Variants in KLHL29 observed in about 807,000 individuals in gnomAD.
The protein encoded by KLHL29 is kelch like family member 29, also known as kelch-like protein 29.
In KLHL29, 21 loss-of-function variants were observed where a neutral mutation model predicts 80.4. The observed-to-expected ratio is 0.26, with a 90% CI of 0.19 to 0.38. KLHL29 has a LOEUF of 0.38. KLHL29 is among the 10% of genes least tolerant of loss of function. The pLI is 1.00. For synonymous variants in KLHL29, 511 were observed against 526.8 expected (o/e 0.97, Z 0.41); for missense variants, 867 against 1,223.9 (o/e 0.71, Z 4.35).
chr2:23,406,720 C>T (rs1666747417), intron 1 of KLHL29, among the ~76,000 whole-genome samples: 1 of 152,260 alleles, frequency 6.6e-6, no homozygotes. Flanking sequence ...CCACCCTGGT[C>T]TCTATCTGTG....
In KLHL29 at chr2:23,393,500, C is replaced by G. The variant is rs568025980; in HGVS notation, c.-154+7720C>G. Among the ~76,000 whole-genome samples the G allele has an allele frequency of 1.3e-5, 2 of 152,236 alleles. 1 individual carries two copies. The highest frequency in any genetic ancestry group is 4.1e-4 in the South Asian group (2 of 4,826). ...AGGGGCTTTCCTTGTGGGTTGTTGT[C>G]TCTGCTCAGATTTCAAAATTTGTAG... On this transcript the variant is annotated intron_variant, in intron 1 of 13. Transcript: ENST00000486442.
At chr2:23,557,468 G>A (rs1005662315) in intron 2 of KLHL29, among the ~76,000 whole-genome samples, 4 of 152,176 alleles carry the variant, frequency 2.6e-5, no homozygotes, top group Non-Finnish European at 5.9e-5. Context: ...TCAGGCTCCA[G>A]GCCCGGAGTC....
At chr2:23,420,310 G>A (rs549092190) in intron 1 of KLHL29, among the ~76,000 whole-genome samples, 3 of 152,256 alleles carry the variant, frequency 2.0e-5, no homozygotes, top group South Asian at 4.1e-4. Flanking sequence ...CGTCCACACC[G>A]ATCCCGTCAC....
Position 23,696,495 on chromosome 2 carries a change from A to G in KLHL29, c.2087A>G (p.Asn696Ser). 3 of 1,531,926 alleles carry G rather than the reference A, an allele frequency of 2.0e-6. No homozygotes were observed. The highest frequency in any genetic ancestry group is 2.6e-6 in the Non-Finnish European group (3 of 1,137,842). 94.9% of individuals were successfully genotyped at this position (1,531,926 alleles called of 1,614,324 possible). A position where few individuals can be genotyped will look rare whatever the true frequency, so the allele number is the denominator to read the frequency against. ...CTCGGGGGACTTGGCGTGGCAGGCAACGTGGACCACGTGGAGAGGTAATGA... is the reference window on the plus strand; with the variant it reads ...CTCGGGGGACTTGGCGTGGCAGGCAGCGTGGACCACGTGGAGAGGTAATGA... ...YTLGGLGVAG[N>S]VDHVERYDTI... is the part of the protein sequence containing the mutation. Residue 696 changes from asparagine (N) to serine (S), a missense_variant, in exon 11 of 14, where the codon AAC becomes AGC. By Grantham distance (46) the Asn-to-Ser change is conservative. Around this residue, in one of 2 missense-constraint regions of KLHL29, gnomAD observed 443 missense variants for 767.0 expected, o/e 0.58. Transcript: ENST00000486442. This position sits in a 1 kb window ranked among gnomAD's most constrained non-coding sequence, Gnocchi z 5.5.
chr2:23,703,992 C>T, intron 13 of KLHL29, 129 bp downstream of exon 13: 1 of 1,097,048 alleles, frequency 9.1e-7, no homozygotes, highest in Non-Finnish European at 1.3e-6. Flanking sequence ...CCCTCCCCCT[C>T]CAACCACAGG....
At chr2:23,610,850 A>C (rs1233440847) in intron 3 of KLHL29, among the ~76,000 whole-genome samples, 1 of 152,270 alleles carries the variant, frequency 6.6e-6, no homozygotes, top group East Asian at 1.9e-4. Context: ...GCAGCAGTAA[A>C]GTAAGATAAT....
chr2:23,394,976 A>G (rs1187716339), intron 1 of KLHL29, among the ~76,000 whole-genome samples: 1 of 152,228 alleles, frequency 6.6e-6, no homozygotes. Flanking sequence ...GTGCTGACAT[A>G]TGCCAAATCG....
chr2:23,464,714 G>C (rs1407244434), intron 1 of KLHL29, among the ~76,000 whole-genome samples: 1 of 152,126 alleles, frequency 6.6e-6, no homozygotes, highest in Non-Finnish European at 1.5e-5. Flanking sequence ...ATTTTGTGGA[G>C]GGTTCTTGGC....
intron 5 of KLHL29, among the ~76,000 whole-genome samples, chr2:23,659,106 G>T (rs1012040161): frequency 2.0e-5 from 3 of 152,180 alleles, no homozygotes; most frequent in Admixed American, 6.5e-5. Context: ...TGGATGAAAT[G>T]TAAAAAGGTA....
chr2:23,617,406 C>T (rs1277198029), intron 3 of KLHL29: 2 of 152,308 alleles, frequency 1.3e-5, no homozygotes, highest in African/African-American at 2.4e-5. Flanking sequence ...GCCGCAGCTT[C>T]TTGCCCGTGG....
At chr2:23,622,943 G>A (rs1332138596) in intron 3 of KLHL29, among the ~76,000 whole-genome samples, 3 of 152,164 alleles carry the variant, frequency 2.0e-5, no homozygotes, top group Admixed American at 2.0e-4. Flanking sequence ...GCAGAACTTG[G>A]ATTTGAACCA....
chr2:23,540,184 C>T (rs1041030882), intron 2 of KLHL29, among the ~76,000 whole-genome samples: 4 of 152,238 alleles, frequency 2.6e-5, no homozygotes, highest in Non-Finnish European at 5.9e-5. Flanking sequence ...CCCCTGGTAC[C>T]TGCCCAGCCC....
intron 2 of KLHL29, among the ~76,000 whole-genome samples, chr2:23,521,984 G>C (rs1370264742): frequency 6.6e-6 from 1 of 152,166 alleles, no homozygotes; most frequent in Non-Finnish European, 1.5e-5. Context: ...ATTCTCATTA[G>C]TTAAACTTGC....
At chr2:23,429,630 G>A (rs1388371758) in intron 1 of KLHL29, among the ~76,000 whole-genome samples, 4 of 152,140 alleles carry the variant, frequency 2.6e-5, no homozygotes, top group Non-Finnish European at 5.9e-5. Flanking sequence ...GCGGACGCCT[G>A]TAATCTCAGC....
At chr2:23,507,235 G>A (rs770647650) in intron 2 of KLHL29, 11 of 261,062 alleles carry the variant, frequency 4.2e-5, no homozygotes, top group Non-Finnish European at 1.0e-4. Flanking sequence ...TCCAGATCCT[G>A]TAACATAAGA....
At chr2:23,632,722 A>C (rs1282237819) in intron 3 of KLHL29, among the ~76,000 whole-genome samples, 1 of 152,218 alleles carries the variant, frequency 6.6e-6, no homozygotes, top group Non-Finnish European at 1.5e-5. Context: ...GAGAAGAAAA[A>C]GGAAATGACA....
Position 23,695,965 on chromosome 2 carries a change from A to G in KLHL29, c.1756A>G (p.Ile586Val), listed in dbSNP as rs1210708411. ...TGTCCCTGCAGGTGTGGCTGAGGTCATCGTCTTGGTTGGGGGCCGTCAGAT... is the reference window on the plus strand; with the variant it reads ...TGTCCCTGCAGGTGTGGCTGAGGTCGTCGTCTTGGTTGGGGGCCGTCAGAT... ...PRLSAGVAEVIVLVGGRQMVG... is the reference protein window; with the variant it reads ...PRLSAGVAEVVVLVGGRQMVG... Residue 586 changes from isoleucine to valine, a missense_variant, in exon 10 of 14, where the codon ATC (isoleucine) becomes GTC (valine). Ile to Val is a conservative substitution (Grantham distance 29). Coordinates refer to ENST00000486442, the MANE Select transcript of KLHL29 (RefSeq NM_052920.2). The surrounding 1 kb of genome is among the most constrained non-coding windows in gnomAD (Gnocchi z 7.6). The G allele has an allele frequency of 6.4e-7, 1 of 1,551,354 alleles. No homozygotes were observed. Among genetic ancestry groups the G allele is most frequent in the Non-Finnish European group, 8.7e-7 (1 of 1,146,888 alleles).
At chr2:23,551,512 G>A (rs79106852) in intron 2 of KLHL29, among the ~76,000 whole-genome samples, 12 of 152,314 alleles carry the variant, frequency 7.9e-5, no homozygotes, top group African/African-American at 2.6e-4. Context: ...TGCAAGAAAT[G>A]GTGCCCAGAA....
At chr2:23,637,974 C>G (rs776169413) in intron 3 of KLHL29, among the ~76,000 whole-genome samples, 1 of 151,796 alleles carries the variant, frequency 6.6e-6, no homozygotes, top group Non-Finnish European at 1.5e-5. Context: ...TGACTCTTCC[C>G]GGGGCCACCT....
Sources: allele counts gnomAD v4.1 joint callset (sites outside exome capture counted in the v4.1 genomes callset), GRCh38; gene constraint gnomAD v4.1.1; regional missense constraint gnomAD v4.1.1; non-coding constraint Gnocchi (gnomAD v3.1); transcripts MANE v1.5; gene names NCBI Gene and HGNC (gene_info 2026-07-23, HGNC 2026-07-21).